Variants in SMUG1 observed in about 807,000 individuals in gnomAD.
The protein encoded by SMUG1 is single-strand selective monofunctional uracil DNA glycosylase.
In SMUG1, 13 loss-of-function variants were observed where a neutral mutation model predicts 23.9. The ratio of observed to expected loss-of-function variants is 0.54; its 90% CI spans 0.35 to 0.86. The LOEUF is 0.86. Ranked by LOEUF, SMUG1 falls within the 40% of genes least tolerant of loss-of-function variation. SMUG1 has a pLI of 0.01. For missense variants in SMUG1, 313 were observed against 339.5 expected, an observed-to-expected ratio of 0.92 and a Z score of 0.61; for synonymous variants, 133 against 139.8, an observed-to-expected ratio of 0.95 and a Z score of 0.34.
intron 4 of SMUG1, among the ~76,000 whole-genome samples, chr12:54,158,903 C>T (rs1372354512): frequency 6.6e-6 from 1 of 152,218 alleles, no homozygotes; most frequent in Non-Finnish European, 1.5e-5. Context: ...TCCCTGGCTG[C>T]CAGGAAGTTT....
chr12:54,164,930 T>A (rs1940398999), intron 4 of SMUG1: 1 of 152,168 alleles, frequency 6.6e-6, no homozygotes, highest in African/African-American at 2.4e-5. Context: ...ATTATATCAT[T>A]CTGCTAAGAA....
Position 54,183,936 on chromosome 12 carries a change from G to C in SMUG1, c.5C>G (p.Pro2Arg). ...GATGGACCCCAGCAGGAAAGCCTGGGGCATATGTCCATGCCGCTGTCACCT... is the reference window on the plus strand; with the variant it reads ...GATGGACCCCAGCAGGAAAGCCTGGCGCATATGTCCATGCCGCTGTCACCT... MPQAFLLGSIHE... is the reference protein window; with the variant it reads MRQAFLLGSIHE... The change falls in exon 3 of 4, where the codon CCC becomes CGC. Residue 2 changes from proline (P) to arginine (R), a missense_variant. Physicochemically the swap from Pro to Arg is moderately radical, Grantham distance 103 (BLOSUM62 -2). Coordinates refer to ENST00000682136, the MANE Select transcript of SMUG1 (RefSeq NM_001243787.2). 1 of 1,555,288 alleles carries C rather than the reference G, an allele frequency of 6.4e-7. No homozygotes were observed. The highest frequency in any genetic ancestry group is 8.7e-7 in the Non-Finnish European group (1 of 1,151,882).
chr12:54,185,090 C>A (rs1942026108), intron 2 of SMUG1, among the ~76,000 whole-genome samples: 1 of 151,988 alleles, frequency 6.6e-6, no homozygotes, highest in Admixed American at 6.5e-5. Context: ...GGGCAGATCA[C>A]CTGAGGTCGG....
At chr12:54,186,775 A>C (rs972605273) in intron 2 of SMUG1, 2 of 152,260 alleles carry the variant, frequency 1.3e-5, no homozygotes, top group African/African-American at 4.8e-5. Context: ...TGGGCAGATC[A>C]AGAGCCAGGC....
intron 3 of SMUG1, chr12:54,165,535 G>A (rs772605833): frequency 9.2e-5 from 14 of 152,184 alleles, no homozygotes; most frequent in Non-Finnish European, 1.8e-4. Flanking sequence ...AGCCAGGCAT[G>A]CTGATGCAGG....
Position 54,181,800 on chromosome 12 carries a change from T to C in SMUG1, c.*296A>G. On this transcript the variant is annotated 3_prime_UTR_variant, in exon 4 of 4. Coordinates refer to ENST00000682136, the MANE Select transcript of SMUG1 (RefSeq NM_001243787.2). ...AAAGTCTCCCAAGGAAACACTGAGG[T>C]AGAGCAGTCTGCAAGTGCAAAAGCA... 2 of 1,430,174 alleles carry C rather than the reference T, an allele frequency of 1.4e-6. No homozygotes were observed. Among genetic ancestry groups the C allele is most frequent in the South Asian group, 3.1e-5 (2 of 64,592 alleles). 88.6% of individuals were successfully genotyped at this position (1,430,174 alleles called of 1,614,324 possible). A position where few individuals can be genotyped will look rare whatever the true frequency, so the allele number is the denominator to read the frequency against.
intron 3 of SMUG1, among the ~76,000 whole-genome samples, chr12:54,171,404 A>C (rs1258916289): frequency 6.7e-6 from 1 of 148,230 alleles, no homozygotes; most frequent in Non-Finnish European, 1.5e-5. Flanking sequence ...TAAACTATAG[A>C]CTTGTGGTCG....
downstream of SMUG1, among the ~76,000 whole-genome samples, chr12:54,179,192 C>T (rs966399827): frequency 2.6e-5 from 4 of 152,232 alleles, no homozygotes; most frequent in African/African-American, 4.8e-5. Flanking sequence ...GGCTTCCTTG[C>T]TCAACTTGCA....
In SMUG1 at chr12:54,181,971, C is replaced by T. The variant is rs752489063; in HGVS notation, c.*125G>A. 2.4e-4 allele frequency: 364 copies of T among 1,499,812 alleles called. No individual in the cohort carries two copies. Among genetic ancestry groups the T allele is most frequent in the Non-Finnish European group, 3.2e-4 (359 of 1,127,210 alleles). 92.9% of individuals were successfully genotyped at this position (1,499,812 alleles called of 1,614,324 possible). Reference sequence around the variant, plus strand: ...AGACAGTTCAACAGATCAAAGAATACGTTTCCCAGCGACCAGGGTGCACAG... The same window carrying T: ...AGACAGTTCAACAGATCAAAGAATATGTTTCCCAGCGACCAGGGTGCACAG... On this transcript the variant is annotated 3_prime_UTR_variant, in exon 4 of 4. Transcript: ENST00000682136.
intron 4 of SMUG1, among the ~76,000 whole-genome samples, chr12:54,158,524 G>A (rs1940119564): frequency 2.6e-5 from 4 of 151,930 alleles, no homozygotes; most frequent in Admixed American, 2.6e-4. Context: ...CCATTGCACT[G>A]GGGTGTTGTT....
intron 4 of SMUG1, among the ~76,000 whole-genome samples, chr12:54,158,616 G>T (rs1940123681): frequency 6.6e-6 from 1 of 152,002 alleles, no homozygotes; most frequent in Non-Finnish European, 1.5e-5. Flanking sequence ...CAATCCTGGG[G>T]TCTTCCTCAT....
At chr12:54,165,768 A>G (rs1940436037) in intron 3 of SMUG1, among the ~76,000 whole-genome samples, 2 of 152,228 alleles carry the variant, frequency 1.3e-5, no homozygotes, top group African/African-American at 4.8e-5. Flanking sequence ...GAGGATTTTA[A>G]AATGTCCTGG....
Position 54,183,657 on chromosome 12 carries a change from C to T in SMUG1, c.284G>A (p.Gly95Glu), listed in dbSNP as rs1941655045. The T allele has an allele frequency of 6.2e-7, 1 of 1,613,872 alleles. No homozygotes were observed. Among genetic ancestry groups the T allele is most frequent in the African/African-American group, 1.3e-5 (1 of 74,866 alleles). The change falls in exon 3 of 4, where the codon GGG becomes GAG. Residue 95 changes from glycine to glutamate, a missense_variant and splice_region_variant. By Grantham distance (98) the Gly-to-Glu change is moderately conservative (BLOSUM62 -2). Transcript: ENST00000682136. Reference protein sequence around the residue: ...NPGPFGMAQTGVPFGEVSMVR... With the variant: ...NPGPFGMAQTEVPFGEVSMVR... ...CACTGGGGAAGCCAAACCCTTTACC[C>T]CAGTCTGGGCCATGCCAAAAGGTCC...
At chr12:54,185,048 C>T (rs1346121219) in intron 2 of SMUG1, among the ~76,000 whole-genome samples, 4 of 152,128 alleles carry the variant, frequency 2.6e-5, no homozygotes, top group African/African-American at 9.7e-5. Flanking sequence ...GTGGCTCAAG[C>T]CTGTAATCCC....
chr12:54,170,519 A>G (rs1940589778), intron 3 of SMUG1, among the ~76,000 whole-genome samples: 1 of 152,106 alleles, frequency 6.6e-6, no homozygotes, highest in Admixed American at 6.5e-5. Context: ...TGATCAAGCC[A>G]AGAGCCCCGC....
intron 2 of SMUG1, among the ~76,000 whole-genome samples, chr12:54,185,532 G>T (rs1942246863): frequency 6.9e-6 from 1 of 145,164 alleles, no homozygotes; most frequent in African/African-American, 2.5e-5. Flanking sequence ...AAATAAATTT[G>T]CCGGGCGCAA....
intron 3 of SMUG1, among the ~76,000 whole-genome samples, chr12:54,169,119 T>C (rs1940554862): frequency 6.6e-6 from 1 of 151,812 alleles, no homozygotes; most frequent in African/African-American, 2.4e-5. Flanking sequence ...TGGGGGGAAA[T>C]GACCAAAAGG....
In SMUG1 at chr12:54,182,208, A is replaced by G; in HGVS notation, c.701T>C (p.Val234Ala). The part of the protein sequence containing the change: ...ALAGLMPEVQ[V>A]EGLLHPSPRN... ...GGGAGAGGGATGCAGGAGCCCTTCC[A>G]CCTGGACCTCTGGCATCAGGCCTGC... The change falls in exon 4 of 4, where the codon GTG (valine) becomes GCG (alanine). Residue 234 changes from valine (V) to alanine (A), a missense_variant. By Grantham distance (64) the Val-to-Ala change is moderately conservative. Transcript: ENST00000682136. 6.2e-7 allele frequency: 1 copy of G among 1,611,896 alleles called. No individual in the cohort carries two copies. The highest frequency in any genetic ancestry group is 8.5e-7 in the Non-Finnish European group (1 of 1,178,642).
At chr12:54,173,453 G>A (rs927663124) in intron 2 of SMUG1, among the ~76,000 whole-genome samples, 1 of 152,172 alleles carries the variant, frequency 6.6e-6, no homozygotes, top group African/African-American at 2.4e-5. Context: ...AGCGGGGCGG[G>A]CGCAGCAGAG....
Sources: gnomAD v4.1 joint callset for allele counts (sites outside exome capture counted in the v4.1 genomes callset) on GRCh38, gnomAD v4.1.1 for gene constraint, MANE v1.5 for transcripts, NCBI Gene and HGNC (gene_info 2026-07-23, HGNC 2026-07-21) for gene names.